Variants in PLCE1 observed in about 807,000 individuals in gnomAD.
PLCE1 encodes the protein 1-phosphatidylinositol 4,5-bisphosphate phosphodiesterase epsilon-1.
In PLCE1, 119 loss-of-function variants were observed where a neutral mutation model predicts 242.8. The observed-to-expected ratio is 0.49, with a 90% CI of 0.42 to 0.57. The LOEUF is 0.57. Ranked by LOEUF, PLCE1 falls within the 20% of genes least tolerant of loss-of-function variation. The pLI, the probability that PLCE1 is intolerant of heterozygous loss-of-function variation, is 0.00. For missense variants in PLCE1, 2,441 were observed against 2,788.8 expected (o/e 0.88, Z 2.81); for synonymous variants, 945 against 1,017.4 (o/e 0.93, Z 1.35).
At chr10:94,014,329 T>G (rs893703263) in intron 1 of PLCE1, among the ~76,000 whole-genome samples, 1 of 151,214 alleles carries the variant, frequency 6.6e-6, no homozygotes, top group African/African-American at 2.4e-5. Flanking sequence ...ACAGGTCAGG[T>G]GGAGTGGCTC....
intron 29 of PLCE1, among the ~76,000 whole-genome samples, chr10:94,319,065 A>C (rs1302635129): frequency 6.6e-6 from 1 of 152,098 alleles, no homozygotes; most frequent in African/African-American, 2.4e-5. Flanking sequence ...AAAAAAAAGT[A>C]TATGACAACA....
intron 1 of PLCE1, among the ~76,000 whole-genome samples, chr10:94,002,110 G>GAA (rs11300442): frequency 0.012 from 1,727 of 143,398 alleles, 14 homozygotes; most frequent in African/African-American, 0.019. Flanking sequence ...AGGTAGTTGT[G>GAA]AAAAAAAAAA....
chr10:94,217,812 C>A (rs1053451787), intron 4 of PLCE1, among the ~76,000 whole-genome samples: 17 of 152,146 alleles, frequency 1.1e-4, no homozygotes, highest in Non-Finnish European at 2.2e-4. Flanking sequence ...AAACTGTGGG[C>A]AAGCCATTCT....
At position 94,132,338 on chromosome 10, in the gene PLCE1, C is replaced by T. The variant is rs373247117; in HGVS notation, c.1371C>T (p.Leu457=). The part of the protein sequence containing the change: ...RDTVCEYRAT[L]QRTSISQYIT... The stretch of plus-strand genomic sequence containing the variant: ...CTGTATGTGAGTATCGCGCCACCCT[C>T]CAAAGGACTTCAATATCGCAGTACA... The change falls in exon 3 of 33, where the codon CTC becomes CTT. Residue 457 remains leucine (L), a synonymous_variant. Coordinates refer to ENST00000371380, the MANE Select transcript of PLCE1 (RefSeq NM_016341.4). 50 of 1,613,952 alleles carry T rather than the reference C, an allele frequency of 3.1e-5. 1 individual carries two copies. Among genetic ancestry groups the T allele is most frequent in the Non-Finnish European group, 3.8e-5 (45 of 1,180,018 alleles).
intron 3 of PLCE1, among the ~76,000 whole-genome samples, chr10:94,132,721 C>T (rs113269142): frequency 9.2e-5 from 14 of 151,530 alleles, no homozygotes; most frequent in African/African-American, 1.4e-4. Context: ...GAGGCCAAGG[C>T]GGGCGGATCA....
At chr10:94,038,078 G>T (rs1589895315) in intron 2 of PLCE1, among the ~76,000 whole-genome samples, 2 of 152,146 alleles carry the variant, frequency 1.3e-5, no homozygotes, top group Admixed American at 1.3e-4. Context: ...ACCCTGATCT[G>T]CTCCACAACC....
intron 3 of PLCE1, among the ~76,000 whole-genome samples, chr10:94,149,856 G>A (rs1022898751): frequency 3.9e-4 from 59 of 152,132 alleles, no homozygotes; most frequent in Admixed American, 6.5e-5. Context: ...CTGGGCAGTC[G>A]GGTCCCTTCA....
chr10:94,053,905 A>G (rs1198673445), intron 2 of PLCE1, among the ~76,000 whole-genome samples: 5 of 152,172 alleles, frequency 3.3e-5, no homozygotes, highest in Non-Finnish European at 5.9e-5. Flanking sequence ...TTTATATTGC[A>G]TATTTTGAAT....
chr10:94,246,225 C>T lies in PLCE1; in HGVS notation c.2700C>T (p.Ser900=). The change falls in exon 8 of 33, where the codon TCC becomes TCT. Residue 900 remains serine (S), a synonymous_variant. Coordinates refer to ENST00000371380, the MANE Select transcript of PLCE1 (RefSeq NM_016341.4). ...TLTWVKPTTA[S]PASSKAKLGV... is the part of the protein sequence containing the mutation. ...CCTGGGTAAAGCCCACAACTGCCTC[C>T]CCAGCCAGCAGTAAAGCAAAACTTG... is the stretch of plus-strand genomic sequence containing the variant. The T allele has an allele frequency of 6.2e-7, 1 of 1,614,156 alleles. No homozygotes were observed. Among genetic ancestry groups the T allele is most frequent in the Non-Finnish European group, 8.5e-7 (1 of 1,180,002 alleles).
In PLCE1 at chr10:94,242,105, T is replaced by C. The variant is rs117361900; in HGVS notation, c.2421-3841T>C. On this transcript the variant is annotated intron_variant, in intron 7 of 32. Transcript: ENST00000371380. ...AAACCCAGGATGACTGCAGCAGGCA[T>C]GTATGAAGCCATTGTGTAAGAGGAC... Among the ~76,000 whole-genome samples, 277 of 152,274 alleles carry C rather than the reference T, an allele frequency of 1.8e-3. 1 individual carries two copies. Among genetic ancestry groups the C allele is most frequent in the Admixed American group, 3.4e-3 (52 of 15,286 alleles).
chr10:94,052,324 C>A (rs533170506), intron 2 of PLCE1, among the ~76,000 whole-genome samples: 1 of 152,286 alleles, frequency 6.6e-6, no homozygotes, highest in African/African-American at 2.4e-5. Context: ...ATAAACAAAT[C>A]TTTGAGAAAA....
At chr10:94,046,734 C>T (rs1416975153) in intron 2 of PLCE1, among the ~76,000 whole-genome samples, 2 of 152,126 alleles carry the variant, frequency 1.3e-5, no homozygotes, top group Non-Finnish European at 2.9e-5. Context: ...AGGGGCATGC[C>T]TAGTTTCAAA....
At chr10:94,067,239 C>G (rs967813657) in intron 2 of PLCE1, among the ~76,000 whole-genome samples, 1 of 152,164 alleles carries the variant, frequency 6.6e-6, no homozygotes, top group Non-Finnish European at 1.5e-5. Context: ...GTCATAATCA[C>G]AAGGACTTCT....
chr10:94,247,454 C>G (rs2050726192), intron 8 of PLCE1, among the ~76,000 whole-genome samples: 1 of 152,058 alleles, frequency 6.6e-6, no homozygotes, highest in African/African-American at 2.4e-5. Context: ...GCATTGTTAT[C>G]TGAATACTTT....
chr10:94,042,357 C>A (rs2061785899), intron 2 of PLCE1, among the ~76,000 whole-genome samples: 1 of 152,152 alleles, frequency 6.6e-6, no homozygotes, highest in Admixed American at 6.5e-5. Context: ...TCTTTTCTTT[C>A]CTTTCATTCT....
Position 94,190,785 on chromosome 10 carries a change from G to A in PLCE1, c.1809+19289G>A, listed in dbSNP as rs527542362. Reference sequence around the variant, plus strand: ...ATGTTGGTTCTAGGATGAGAGTAAAGTATGATCTTTAAATGGATGCCTACT... The same window carrying A: ...ATGTTGGTTCTAGGATGAGAGTAAAATATGATCTTTAAATGGATGCCTACT... On this transcript the variant is annotated intron_variant, in intron 4 of 32. Coordinates refer to ENST00000371380, the MANE Select transcript of PLCE1 (RefSeq NM_016341.4). 6.6e-5 allele frequency among the ~76,000 whole-genome samples: 10 copies of A among 152,350 alleles called. No homozygotes were observed. In the South Asian group the frequency reaches 2.1e-3, roughly 32 times the overall value.
At chr10:94,123,791 G>A (rs1199162402) in intron 2 of PLCE1, among the ~76,000 whole-genome samples, 3 of 152,170 alleles carry the variant, frequency 2.0e-5, no homozygotes, top group African/African-American at 7.2e-5. Flanking sequence ...AAACCATAGC[G>A]CAGAGCTCTT....
At chr10:94,032,325 T>C in intron 2 of PLCE1, 73 bp downstream of exon 2, 1 of 1,335,344 alleles carries the variant, frequency 7.5e-7, no homozygotes, top group East Asian at 2.3e-5. Context: ...CAAATTTCCA[T>C]TGTCATAATT....
At position 94,327,529 on chromosome 10, in the gene PLCE1, G is replaced by A. The variant is rs116867669; in HGVS notation, c.*25-439G>A. Among the ~76,000 whole-genome samples, 287 of 152,298 alleles carry A rather than the reference G, an allele frequency of 1.9e-3. 1 individual carries two copies. The highest frequency in any genetic ancestry group is 3.5e-3 in the Admixed American group (53 of 15,308). ...GGCAGCAGTCCAGCCAGACAAGAGG[G>A]AGAGAGAGCAAAAAGAAAGTTAGTT... On this transcript the variant is annotated intron_variant, in intron 32 of 32. Transcript: ENST00000371380.
Sources: gnomAD v4.1 joint callset for allele counts (sites outside exome capture counted in the v4.1 genomes callset) on GRCh38, gnomAD v4.1.1 for gene constraint, MANE v1.5 for transcripts, NCBI Gene and HGNC (gene_info 2026-07-23, HGNC 2026-07-21) for gene names.